The following TAAR5 variants were observed in gnomAD, a reference collection of about 807,000 sequenced individuals.
TAAR5 encodes trace amine-associated receptor 5.
Under a neutral mutation model 21.1 loss-of-function variants are expected in TAAR5, and 27 were observed. The observed-to-expected ratio is 1.28, with a 90% CI of 0.94 to 1.76. TAAR5 has a LOEUF of 1.76. Among genes scored for constraint, TAAR5 ranks in the 40% most tolerant of loss-of-function variants. The pLI, the probability that TAAR5 is intolerant of heterozygous loss-of-function variation, is 0.00. For missense variants in TAAR5, 495 were observed against 405.6 expected, an observed-to-expected ratio of 1.22 and a Z score of -1.89; for synonymous variants, 203 against 167.5, an observed-to-expected ratio of 1.21 and a Z score of -1.64.
chr6:132,591,598 A>AAGG (rs1776908605), upstream of TAAR5, among the ~76,000 whole-genome samples: 1 of 152,240 alleles, frequency 6.6e-6, no homozygotes, highest in Non-Finnish European at 1.5e-5. Flanking sequence ...TTGCATTACT[A>AAGG]GGTACCTTGA....
the TAAR5 span, among the ~76,000 whole-genome samples, chr6:132,597,787 G>A: frequency 6.6e-6 from 1 of 152,166 alleles, no homozygotes; most frequent in South Asian, 2.1e-4. Context: ...CAATTCTGGA[G>A]ATAAGAGCAA....
upstream of TAAR5, among the ~76,000 whole-genome samples, chr6:132,592,162 A>C (rs1227738759): frequency 6.6e-6 from 1 of 152,242 alleles, no homozygotes; most frequent in African/African-American, 2.4e-5. Flanking sequence ...CAAGCTGCTA[A>C]AGGTCTTGAA....
the TAAR5 span, among the ~76,000 whole-genome samples, chr6:132,597,484 G>C: frequency 6.6e-6 from 1 of 152,082 alleles, no homozygotes; most frequent in Non-Finnish European, 1.5e-5. Context: ...AATCAAGTTG[G>C]AGTTTTGTTT....
the TAAR5 span, among the ~76,000 whole-genome samples, chr6:132,611,128 G>A: frequency 1.3e-5 from 2 of 151,804 alleles, no homozygotes; most frequent in East Asian, 3.9e-4. Flanking sequence ...AGCATGAGTG[G>A]AACTGGAGGA....
At chr6:132,604,066 A>G in the TAAR5 span, among the ~76,000 whole-genome samples, 1 of 151,922 alleles carries the variant, frequency 6.6e-6, no homozygotes, top group Non-Finnish European at 1.5e-5. Flanking sequence ...ATATTATTTT[A>G]TAAACGAAAT....
chr6:132,589,457 G>A lies in TAAR5; in HGVS notation c.230C>T (p.Ala77Val). The A allele has an allele frequency of 2.5e-6, 4 of 1,613,872 alleles. No individual in the cohort carries two copies. The highest frequency in any genetic ancestry group is 3.4e-6 in the Non-Finnish European group (4 of 1,179,874). The part of the protein sequence containing the change: ...TPTNFLLLSL[A>V]LADMFLGLLV... ...CAGACCCAGAAACATGTCAGCCAGG[G>A]CCAGGGAGAGCAGCAGGAAGTTGGT... The change falls in exon 1 of 1, where the codon GCC becomes GTC. Residue 77 changes from alanine (A) to valine (V), a missense_variant. By Grantham distance (64) the Ala-to-Val change is moderately conservative. Coordinates refer to ENST00000258034, the MANE Select transcript of TAAR5 (RefSeq NM_003967.3).
chr6:132,600,994 AGGGAAGGAGGGAAGGAAGGAAGGG>A, the TAAR5 span, among the ~76,000 whole-genome samples: 2 of 89,246 alleles, frequency 2.2e-5, no homozygotes, highest in African/African-American at 1.0e-4. Flanking sequence ...GGAAGGAAGG[AGGGAAGGAGGGAAGGAAGGAAGGG>A]GGGAAGGAGG....
the TAAR5 span, chr6:132,608,475 G>A: frequency 3.3e-5 from 15 of 454,886 alleles, no homozygotes; most frequent in South Asian, 2.3e-4. Context: ...AAGGCAACCA[G>A]CAAGCCAGAA....
chr6:132,589,222 G>T lies in TAAR5; in HGVS notation c.465C>A (p.Ile155=). ...CTGCGGGCACCCCCCATCCTGCCAG[G>T]ATGTACCTGAGAGCCACCCTCACTG... is the stretch of plus-strand genomic sequence containing the variant. ...KFTVRVALRY[I]LAGWGVPAAY... is the part of the protein sequence containing the mutation. The change falls in exon 1 of 1, where the codon ATC becomes ATA. Residue 155 remains isoleucine (I), a synonymous_variant. Coordinates refer to ENST00000258034, the MANE Select transcript of TAAR5 (RefSeq NM_003967.3). 6.2e-7 allele frequency: 1 copy of T among 1,606,420 alleles called. No homozygotes were observed. The highest frequency in any genetic ancestry group is 8.5e-7 in the Non-Finnish European group (1 of 1,176,152).
chr6:132,613,767 A>T, the TAAR5 span, among the ~76,000 whole-genome samples: 2 of 152,240 alleles, frequency 1.3e-5, no homozygotes, highest in Non-Finnish European at 2.9e-5. Flanking sequence ...ACAGCCTTCC[A>T]GGATGAATAC....
upstream of TAAR5, among the ~76,000 whole-genome samples, chr6:132,593,563 A>G (rs1400339975): frequency 6.6e-6 from 1 of 152,180 alleles, no homozygotes; most frequent in East Asian, 1.9e-4. Flanking sequence ...TCCTTGGCCT[A>G]GCCTAGGAAG....
At position 132,588,855 on chromosome 6, in the gene TAAR5, GGAGGCTGTC is replaced by G; in HGVS notation, c.823_831del (p.Asp275_Leu277del). The stretch of plus-strand genomic sequence containing the variant: ...ACCAGTGGGGGTGTGATAAAGTGAA[GGAGGCTGTC>G]GACCATCGTGTCTATGGTGAAGGGC... On this transcript the variant is annotated inframe_deletion, in exon 1 of 1. Coordinates refer to ENST00000258034, the MANE Select transcript of TAAR5 (RefSeq NM_003967.3). 4 of 1,614,096 alleles carry G rather than the reference GGAGGCTGTC, an allele frequency of 2.5e-6. No individual in the cohort carries two copies. The highest frequency in any genetic ancestry group is 3.4e-6 in the Non-Finnish European group (4 of 1,179,982).
the TAAR5 span, chr6:132,608,574 A>G: frequency 6.6e-6 from 3 of 455,812 alleles, no homozygotes; most frequent in Non-Finnish European, 1.3e-5. Flanking sequence ...TTGTGTTTTC[A>G]GGCACATGGC....
At chr6:132,602,688 T>A in the TAAR5 span, among the ~76,000 whole-genome samples, 1 of 151,292 alleles carries the variant, frequency 6.6e-6, no homozygotes, top group Non-Finnish European at 1.5e-5. Flanking sequence ...TATCTTTAAG[T>A]TTGTGAAGGC....
chr6:132,604,133 CTTTTTTTCT>C, the TAAR5 span, among the ~76,000 whole-genome samples: 1 of 138,506 alleles, frequency 7.2e-6, no homozygotes, highest in Non-Finnish European at 1.6e-5. Flanking sequence ...TTTTTCTTTT[CTTTTTTTCT>C]TTTCTTTTTT....
At chr6:132,602,337 G>A in the TAAR5 span, among the ~76,000 whole-genome samples, 2 of 152,158 alleles carry the variant, frequency 1.3e-5, no homozygotes, top group East Asian at 3.8e-4. Context: ...CCCTGAGCTT[G>A]TTTTTCTACA....
chr6:132,609,231 A>T, the TAAR5 span: 1 of 348,858 alleles, frequency 2.9e-6, no homozygotes, highest in Admixed American at 4.1e-5. Flanking sequence ...TTATTTACAA[A>T]TTTTGGACAA....
the TAAR5 span, among the ~76,000 whole-genome samples, chr6:132,615,881 C>A: frequency 2.0e-5 from 1 of 50,214 alleles, no homozygotes; most frequent in Non-Finnish European, 3.2e-5. Flanking sequence ...TGTATAAACA[C>A]ACACACACAC....
Position 132,588,659 on chromosome 6 carries a change from T to A in TAAR5, c.*14A>T. 1 of 1,598,034 alleles carries A rather than the reference T, an allele frequency of 6.3e-7. No homozygotes were observed. Among genetic ancestry groups the A allele is most frequent in the Non-Finnish European group, 8.5e-7 (1 of 1,170,620 alleles). On this transcript the variant is annotated 3_prime_UTR_variant, in exon 1 of 1. Coordinates refer to ENST00000258034, the MANE Select transcript of TAAR5 (RefSeq NM_003967.3). ...TGTGAGGTCCTACTCCTTGCCTGCATTTAGTAGAAGGAATCATTCTTGGTA... is the reference window on the plus strand; with the variant it reads ...TGTGAGGTCCTACTCCTTGCCTGCAATTAGTAGAAGGAATCATTCTTGGTA...
Sources: allele counts gnomAD v4.1 joint callset (sites outside exome capture counted in the v4.1 genomes callset), GRCh38; gene constraint gnomAD v4.1.1; transcripts MANE v1.5; gene names NCBI Gene and HGNC (gene_info 2026-07-23, HGNC 2026-07-21).